Variants in EBPL observed in about 807,000 individuals in gnomAD.
EBPL encodes the protein emopamil-binding protein-like.
In EBPL, 20 loss-of-function variants were observed where a neutral mutation model predicts 19.0. The ratio of observed to expected loss-of-function variants is 1.05; its 90% CI spans 0.74 to 1.53. The LOEUF is 1.53. Ranked by LOEUF, EBPL falls within the 40% of genes most tolerant of loss-of-function variation. The probability of loss-of-function intolerance (pLI) is 0.00; values close to 1 mark genes in which losing one functional copy is unlikely to be tolerated. For missense variants in EBPL, 219 were observed against 261.1 expected, an observed-to-expected ratio of 0.84 and a Z score of 1.11; for synonymous variants, 107 against 117.0, an observed-to-expected ratio of 0.91 and a Z score of 0.55.
chr13:49,668,941 G>A (rs1006600792), intron 2 of EBPL, among the ~76,000 whole-genome samples: 9 of 150,264 alleles, frequency 6.0e-5, no homozygotes, highest in African/African-American at 1.7e-4. Context: ...GTGCAGTGGC[G>A]TGATCTCGGC....
intron 1 of EBPL, among the ~76,000 whole-genome samples, chr13:49,677,913 C>T (rs1242231457): frequency 6.6e-6 from 1 of 152,328 alleles, no homozygotes; most frequent in African/African-American, 2.4e-5. Flanking sequence ...AGGAGTGAAG[C>T]TGCAGACCTT....
rs56190500 is a variant in EBPL, at chr13:49,666,751, G to A, written c.241+3026C>T. Reference sequence around the variant, plus strand: ...AAAAAAAAACAAAAATTAGCTGGGCGTGGTGGCGCACACCTGTAGTTCCAG... The same window carrying A: ...AAAAAAAAACAAAAATTAGCTGGGCATGGTGGCGCACACCTGTAGTTCCAG... On this transcript the variant is annotated intron_variant, in intron 2 of 3. Coordinates refer to ENST00000242827, the MANE Select transcript of EBPL (RefSeq NM_032565.5). Among the ~76,000 whole-genome samples, 1,056 of 150,602 alleles carry A rather than the reference G, an allele frequency of 7.0e-3. 18 individuals carry two copies. The highest frequency in any genetic ancestry group is 0.025 in the African/African-American group (1,004 of 40,968).
chr13:49,678,758 A>G (rs147887462), intron 1 of EBPL, among the ~76,000 whole-genome samples: 3,099 of 152,244 alleles, frequency 0.02, 42 homozygotes, highest in South Asian at 0.029. Context: ...GGGCTCCTCA[A>G]GCATGGCCAG....
chr13:49,690,409 T>A, intron 1 of EBPL, among the ~76,000 whole-genome samples: 1 of 122,280 alleles, frequency 8.2e-6, no homozygotes, highest in African/African-American at 3.0e-5. Context: ...TTAAACAAGG[T>A]CAACTTTACA....
chr13:49,674,949 T>C (rs532035252), intron 1 of EBPL, among the ~76,000 whole-genome samples: 4 of 152,342 alleles, frequency 2.6e-5, no homozygotes, highest in South Asian at 2.1e-4. Flanking sequence ...ACTAAAACAA[T>C]GTGCCCACTA....
At chr13:49,668,553 G>C in intron 2 of EBPL, 2 of 377,960 alleles carry the variant, frequency 5.3e-6, no homozygotes, top group Non-Finnish European at 5.2e-6. Context: ...CAGCCTGGGG[G>C]ACAGAGCGAG....
chr13:49,661,780 T>C (rs916972075), intron 3 of EBPL: 1 of 1,509,548 alleles, frequency 6.6e-7, no homozygotes, highest in Non-Finnish European at 8.9e-7. Flanking sequence ...TTGCCAACTA[T>C]CTCTCTAAAA....
chr13:49,669,729 A>G, intron 2 of EBPL, 48 bp downstream of exon 2: 1 of 1,539,600 alleles, frequency 6.5e-7, no homozygotes. Context: ...TCACACTTGC[A>G]ATAAACCTCC....
At chr13:49,661,292 G>A (rs1053888067) in intron 3 of EBPL, 84 bp from the exon 4 acceptor site, 47 of 1,099,050 alleles carry the variant, frequency 4.3e-5, no homozygotes, top group African/African-American at 1.1e-4. Flanking sequence ...CTGTAATGGC[G>A]GCATCAACAG....
At chr13:49,663,954 C>G (rs1378809388) in intron 2 of EBPL, among the ~76,000 whole-genome samples, 2 of 137,652 alleles carry the variant, frequency 1.5e-5, no homozygotes, top group East Asian at 2.3e-4. Flanking sequence ...AACAAACAAC[C>G]AAAAACTTGT....
chr13:49,686,693 G>C, intron 1 of EBPL: 2 of 1,160,458 alleles, frequency 1.7e-6, no homozygotes, highest in South Asian at 1.4e-5. Context: ...CTGGGGCTTC[G>C]TGCTATCTCC....
chr13:49,678,014 A>G (rs952948718), intron 1 of EBPL, among the ~76,000 whole-genome samples: 1 of 93,560 alleles, frequency 1.1e-5, no homozygotes, highest in Non-Finnish European at 2.8e-5. Flanking sequence ...AAGACTCCAC[A>G]GCGTGGAAGG....
At chr13:49,672,643 A>G (rs1953830459) in intron 1 of EBPL, among the ~76,000 whole-genome samples, 1 of 152,252 alleles carries the variant, frequency 6.6e-6, no homozygotes, top group African/African-American at 2.4e-5. Flanking sequence ...AAATGAATAG[A>G]CATCTCACCG....
intron 1 of EBPL, among the ~76,000 whole-genome samples, chr13:49,681,183 CTG>C (rs1403207960): frequency 2.6e-5 from 4 of 152,114 alleles, no homozygotes; most frequent in African/African-American, 7.2e-5. Context: ...TAAAATATAA[CTG>C]AACTATATTT....
At chr13:49,685,040 G>C (rs1953982483) in intron 1 of EBPL, among the ~76,000 whole-genome samples, 1 of 152,118 alleles carries the variant, frequency 6.6e-6, no homozygotes, top group Admixed American at 6.6e-5. Flanking sequence ...TGAATAGCTG[G>C]GACTGCAGGT....
chr13:49,683,705 G>T (rs67155750), intron 1 of EBPL, among the ~76,000 whole-genome samples: 28,016 of 152,092 alleles, frequency 0.18, 3,239 homozygotes, highest in Non-Finnish European at 0.26. Context: ...ACACAAAAAT[G>T]CTAAGTTTTG....
At chr13:49,688,253 G>A (rs973851852) in intron 1 of EBPL, among the ~76,000 whole-genome samples, 3 of 152,156 alleles carry the variant, frequency 2.0e-5, no homozygotes, top group Non-Finnish European at 4.4e-5. Flanking sequence ...GCCCTCTGCT[G>A]TAGTCATAAC....
chr13:49,674,909 A>G (rs1165663065), intron 1 of EBPL, among the ~76,000 whole-genome samples: 1 of 152,224 alleles, frequency 6.6e-6, no homozygotes, highest in South Asian at 2.1e-4. Context: ...CATCGCCACC[A>G]TCCATTTCCA....
chr13:49,686,044 A>G (rs1232017919), intron 1 of EBPL, among the ~76,000 whole-genome samples: 2 of 152,196 alleles, frequency 1.3e-5, no homozygotes, highest in African/African-American at 4.8e-5. Flanking sequence ...GGATGCATGG[A>G]GAGCCAGCCA....
Sources: gnomAD v4.1 joint callset for allele counts (sites outside exome capture counted in the v4.1 genomes callset) on GRCh38, gnomAD v4.1.1 for gene constraint, MANE v1.5 for transcripts, NCBI Gene and HGNC (gene_info 2026-07-23, HGNC 2026-07-21) for gene names.